The following PRKG1 variants were observed in gnomAD, a reference collection of about 807,000 sequenced individuals.
The protein encoded by PRKG1 is protein kinase cGMP-dependent 1.
PRKG1 carries 35 observed loss-of-function variants against 88.1 expected under a neutral mutation model. The observed-to-expected ratio is 0.40, with a 90% CI of 0.30 to 0.53. The LOEUF (loss-of-function observed/expected upper bound fraction) is 0.53, where lower values mean the gene tolerates loss of function less well. PRKG1 is among the 20% of genes least tolerant of loss of function. The pLI, the probability that PRKG1 is intolerant of heterozygous loss-of-function variation, is 0.59. For synonymous variants in PRKG1, 303 were observed against 292.5 expected, an observed-to-expected ratio of 1.04 and a Z score of -0.37; for missense variants, 540 against 839.8, an observed-to-expected ratio of 0.64 and a Z score of 4.41.
At chr10:51,814,607 G>A (rs979425105) in intron 4 of PRKG1, among the ~76,000 whole-genome samples, 5 of 151,996 alleles carry the variant, frequency 3.3e-5, no homozygotes, top group Non-Finnish European at 7.4e-5. Flanking sequence ...AAATAAAGAG[G>A]CACTTTCTCA....
At chr10:52,011,983 C>G (rs934714700) in intron 5 of PRKG1, among the ~76,000 whole-genome samples, 1 of 152,132 alleles carries the variant, frequency 6.6e-6, no homozygotes, top group East Asian at 1.9e-4. Flanking sequence ...ACCTTCCTCC[C>G]GGCCATGTGG....
chr10:52,277,227 G>A, intron 12 of PRKG1, among the ~76,000 whole-genome samples: 1 of 151,944 alleles, frequency 6.6e-6, no homozygotes, highest in Non-Finnish European at 1.5e-5. Context: ...CATGTGAGAA[G>A]CATGGGGAAA....
chr10:51,128,159 G>A (rs7901390), intron 1 of PRKG1, among the ~76,000 whole-genome samples: 120,641 of 151,834 alleles, frequency 0.79, 48,524 homozygotes, highest in South Asian at 0.88. Context: ...GCAAAAAGGC[G>A]ATTAACATTT....
At chr10:51,041,120 G>A (rs1843414779) in intron 1 of PRKG1, among the ~76,000 whole-genome samples, 1 of 152,010 alleles carries the variant, frequency 6.6e-6, no homozygotes, top group Admixed American at 6.6e-5. Flanking sequence ...CGCCTGGAGT[G>A]AGCACTGCCT....
intron 2 of PRKG1, among the ~76,000 whole-genome samples, chr10:51,179,812 C>T (rs1837298401): frequency 6.6e-6 from 1 of 152,166 alleles, no homozygotes; most frequent in Non-Finnish European, 1.5e-5. Context: ...CTGCCCATTA[C>T]TAGCTGTGTG....
At chr10:52,170,456 C>CAA (rs1238500983) in intron 9 of PRKG1, among the ~76,000 whole-genome samples, 2 of 152,150 alleles carry the variant, frequency 1.3e-5, no homozygotes, top group African/African-American at 4.8e-5. Flanking sequence ...GGACCCTTAT[C>CAA]AGTGCACTGA....
intron 3 of PRKG1, among the ~76,000 whole-genome samples, chr10:51,783,570 C>T (rs935131224): frequency 6.6e-6 from 1 of 152,096 alleles, no homozygotes; most frequent in African/African-American, 2.4e-5. Context: ...GTGTGAGCCA[C>T]TGCACGCAGC....
intron 9 of PRKG1, among the ~76,000 whole-genome samples, chr10:52,200,574 C>T (rs1839638472): frequency 6.6e-6 from 1 of 152,108 alleles, no homozygotes; most frequent in Admixed American, 6.6e-5. Context: ...GGTATATACT[C>T]AATAATGGAT....
chr10:51,506,296 T>G (rs1841201605), intron 3 of PRKG1, among the ~76,000 whole-genome samples: 1 of 152,004 alleles, frequency 6.6e-6, no homozygotes, highest in Admixed American at 6.6e-5. Flanking sequence ...AAAGCCAAAA[T>G]TGACAAATGG....
intron 9 of PRKG1, among the ~76,000 whole-genome samples, chr10:52,213,643 T>C (rs893815569): frequency 1.3e-5 from 2 of 152,164 alleles, no homozygotes; most frequent in African/African-American, 4.8e-5. Flanking sequence ...AGTAGCTTAG[T>C]AGAGCCATCC....
At chr10:51,645,341 A>G (rs1839891677) in intron 3 of PRKG1, among the ~76,000 whole-genome samples, 1 of 152,214 alleles carries the variant, frequency 6.6e-6, no homozygotes, top group African/African-American at 2.4e-5. Context: ...TTCAAGCCAT[A>G]TTAAAACATT....
intron 8 of PRKG1, among the ~76,000 whole-genome samples, chr10:52,147,632 G>A (rs1391390335): frequency 6.6e-6 from 1 of 152,166 alleles, no homozygotes; most frequent in African/African-American, 2.4e-5. Context: ...AGTAGGGTGG[G>A]AGAGATTAAA....
rs184136648 is a variant in PRKG1, at chr10:51,210,443, G to C, written c.478+57113G>C. On this transcript the variant is annotated intron_variant, in intron 2 of 17. Coordinates refer to ENST00000373980, the MANE Select transcript of PRKG1 (RefSeq NM_006258.4). ...GAGCAAACACATTCAAAAGCTAGCA[G>C]AAGGCAAGAAATAACTAAGATCAGA... Among the ~76,000 whole-genome samples, 1,105 of 152,210 alleles carry C rather than the reference G, an allele frequency of 7.3e-3. 8 individuals are homozygous for C. The highest frequency in any genetic ancestry group is 9.5e-3 in the Non-Finnish European group (645 of 68,006).
intron 3 of PRKG1, among the ~76,000 whole-genome samples, chr10:51,553,248 A>G (rs905294305): frequency 1.3e-5 from 2 of 151,694 alleles, no homozygotes; most frequent in East Asian, 3.9e-4. Flanking sequence ...TAAAAGCTGT[A>G]ACTCCCTTCA....
At chr10:51,083,202 G>C (rs1293767802) in intron 1 of PRKG1, among the ~76,000 whole-genome samples, 4 of 152,176 alleles carry the variant, frequency 2.6e-5, no homozygotes, top group Non-Finnish European at 5.9e-5. Context: ...AGGACCTGGG[G>C]CACACAAAAG....
intron 2 of PRKG1, among the ~76,000 whole-genome samples, chr10:51,413,746 T>C (rs1351358306): frequency 6.6e-6 from 1 of 152,146 alleles, no homozygotes; most frequent in Non-Finnish European, 1.5e-5. Flanking sequence ...CTTTAGAAAA[T>C]TTGGGGAAAA....
intron 9 of PRKG1, among the ~76,000 whole-genome samples, chr10:52,245,999 G>T (rs1049026934): frequency 6.6e-6 from 1 of 152,010 alleles, no homozygotes; most frequent in Non-Finnish European, 1.5e-5. Context: ...AAATAATGCT[G>T]AGTTACTTCT....
intron 9 of PRKG1, among the ~76,000 whole-genome samples, chr10:52,229,823 G>T (rs999034657): frequency 6.6e-6 from 1 of 152,170 alleles, no homozygotes; most frequent in African/African-American, 2.4e-5. Context: ...TTACTGAGAG[G>T]ACAGTAGAAT....
chr10:51,468,299 T>G (rs552645978), intron 3 of PRKG1, among the ~76,000 whole-genome samples: 8 of 151,956 alleles, frequency 5.3e-5, no homozygotes, highest in Admixed American at 2.0e-4. Flanking sequence ...GAGTAAGATA[T>G]CTCCTGAATT....
Sources: gnomAD v4.1 joint callset for allele counts (sites outside exome capture counted in the v4.1 genomes callset) on GRCh38, gnomAD v4.1.1 for gene constraint, MANE v1.5 for transcripts, NCBI Gene and HGNC (gene_info 2026-07-23, HGNC 2026-07-21) for gene names.